The following NCALD variants were observed in gnomAD, a reference collection of about 807,000 sequenced individuals.
NCALD encodes the protein neurocalcin delta.
A neutral mutation model predicts 18.6 loss-of-function variants in NCALD; 10 were observed. The observed-to-expected ratio is 0.54, with a 90% CI of 0.33 to 0.91. The LOEUF (loss-of-function observed/expected upper bound fraction) is 0.91. Among genes scored for constraint, NCALD ranks in the 40% least tolerant of loss-of-function variants. NCALD has a pLI of 0.03. For missense variants in NCALD, 184 were observed against 247.6 expected, an observed-to-expected ratio of 0.74 and a Z score of 1.72; for synonymous variants, 88 against 87.4, an observed-to-expected ratio of 1.01 and a Z score of -0.04.
At chr8:102,077,199 G>A (rs1026525754) in intron 1 of NCALD, among the ~76,000 whole-genome samples, 1 of 152,120 alleles carries the variant, frequency 6.6e-6, no homozygotes, top group East Asian at 1.9e-4. Context: ...CACTACTTGG[G>A]TGAAAGGTTC....
chr8:101,761,293 G>C (rs1002037425), intron 1 of NCALD, among the ~76,000 whole-genome samples: 1 of 152,182 alleles, frequency 6.6e-6, no homozygotes, highest in African/African-American at 2.4e-5. Context: ...GTGCTTTAAC[G>C]AGGCATCCAA....
At chr8:101,963,053 T>C in intron 2 of NCALD, among the ~76,000 whole-genome samples, 1 of 152,170 alleles carries the variant, frequency 6.6e-6, no homozygotes, top group Non-Finnish European at 1.5e-5. Flanking sequence ...TTCTTCACAG[T>C]CCATTTCAGG....
chr8:102,082,830 G>A (rs1257673085), intron 1 of NCALD, among the ~76,000 whole-genome samples: 2 of 152,206 alleles, frequency 1.3e-5, no homozygotes, highest in African/African-American at 4.8e-5. Context: ...AACTGTAATG[G>A]GGCTGCAAAT....
chr8:101,845,240 A>G (rs944098415), intron 4 of NCALD, among the ~76,000 whole-genome samples: 8 of 152,208 alleles, frequency 5.3e-5, no homozygotes, highest in Non-Finnish European at 5.9e-5. Context: ...AATGTATTTG[A>G]TTTACATTTG....
At chr8:101,947,655 G>T (rs1223913753) in intron 2 of NCALD, among the ~76,000 whole-genome samples, 1 of 152,174 alleles carries the variant, frequency 6.6e-6, no homozygotes, top group African/African-American at 2.4e-5. Context: ...TTTATGCTGA[G>T]AAATCAAGTT....
intron 4 of NCALD, among the ~76,000 whole-genome samples, chr8:101,851,711 G>C (rs900088451): frequency 2.0e-5 from 3 of 151,918 alleles, no homozygotes; most frequent in Non-Finnish European, 2.9e-5. Context: ...GGATCCTTTG[G>C]GTTAGCATTG....
At chr8:101,705,142 G>A (rs761693357) in intron 2 of NCALD, among the ~76,000 whole-genome samples, 11 of 151,680 alleles carry the variant, frequency 7.3e-5, no homozygotes, top group Non-Finnish European at 1.3e-4. Flanking sequence ...CAGGAGAATC[G>A]CTGAAACTCA....
intron 2 of NCALD, among the ~76,000 whole-genome samples, chr8:101,979,422 C>T (rs1820536253): frequency 6.6e-6 from 1 of 152,134 alleles, no homozygotes; most frequent in Admixed American, 6.5e-5. Context: ...AGGCAGCTTA[C>T]AACAAATCGG....
chr8:101,705,383 G>A (rs1034800645), intron 2 of NCALD, among the ~76,000 whole-genome samples: 1 of 152,146 alleles, frequency 6.6e-6, no homozygotes, highest in Non-Finnish European at 1.5e-5. Context: ...GGGGAAAACC[G>A]AATTGGGGAA....
chr8:101,738,859 C>T (rs534196678), intron 1 of NCALD, among the ~76,000 whole-genome samples: 27 of 152,288 alleles, frequency 1.8e-4, no homozygotes, highest in African/African-American at 6.0e-4. Context: ...AAGCACTCAA[C>T]AGTATCTTAA....
chr8:101,835,854 T>C (rs1382314712), intron 4 of NCALD, among the ~76,000 whole-genome samples: 2 of 152,044 alleles, frequency 1.3e-5, no homozygotes, highest in Admixed American at 6.6e-5. Context: ...TATCTTAGAA[T>C]AGAGGTTAAA....
chr8:101,873,105 C>T (rs1041968614), intron 4 of NCALD, among the ~76,000 whole-genome samples: 1 of 152,210 alleles, frequency 6.6e-6, no homozygotes, highest in East Asian at 1.9e-4. Flanking sequence ...CAGCGTGTTC[C>T]TTTGCCATTG....
At chr8:102,029,618 A>T (rs1350856231) in intron 1 of NCALD, among the ~76,000 whole-genome samples, 1 of 152,212 alleles carries the variant, frequency 6.6e-6, no homozygotes, top group Admixed American at 6.5e-5. Flanking sequence ...AAACCTTCAC[A>T]GCCCTATTTC....
intron 4 of NCALD, among the ~76,000 whole-genome samples, chr8:101,822,179 T>C (rs1813748888): frequency 1.3e-5 from 2 of 152,352 alleles, no homozygotes; most frequent in South Asian, 2.1e-4. Context: ...AGACAAATTA[T>C]AGAATGTATT....
chr8:101,956,254 A>C (rs1287955663), intron 2 of NCALD, among the ~76,000 whole-genome samples: 1 of 152,190 alleles, frequency 6.6e-6, no homozygotes, highest in Non-Finnish European at 1.5e-5. Context: ...TCTGCAGCCA[A>C]AACACAAGAA....
chr8:101,916,078 A>C (rs1214482911), intron 2 of NCALD, among the ~76,000 whole-genome samples: 2 of 152,090 alleles, frequency 1.3e-5, no homozygotes, highest in Non-Finnish European at 2.9e-5. Flanking sequence ...AAGAAAGCAG[A>C]GACTGAAACA....
intron 1 of NCALD, among the ~76,000 whole-genome samples, chr8:101,732,859 C>A (rs997095699): frequency 6.6e-6 from 1 of 152,108 alleles, no homozygotes; most frequent in African/African-American, 2.4e-5. Context: ...CTGCTCCAGC[C>A]TCTCAAAGTG....
intron 1 of NCALD, among the ~76,000 whole-genome samples, chr8:102,086,770 T>C (rs1015215301): frequency 6.6e-6 from 1 of 152,190 alleles, no homozygotes; most frequent in East Asian, 1.9e-4. Context: ...TCCCAGACTG[T>C]TAAAGCATTC....
At chr8:102,054,579 T>C (rs1823567528) in intron 1 of NCALD, among the ~76,000 whole-genome samples, 1 of 152,042 alleles carries the variant, frequency 6.6e-6, no homozygotes, top group Non-Finnish European at 1.5e-5. Flanking sequence ...TCAGCTTTTC[T>C]CTGGGTCTCC....
Sources: allele counts gnomAD v4.1 joint callset (sites outside exome capture counted in the v4.1 genomes callset), GRCh38; gene constraint gnomAD v4.1.1; transcripts MANE v1.5; gene names NCBI Gene and HGNC (gene_info 2026-07-23, HGNC 2026-07-21).